The following GSE1 variants were observed in gnomAD, a reference collection of about 807,000 sequenced individuals.
GSE1 encodes the protein genetic suppressor element 1.
In GSE1, 32 loss-of-function variants were observed where a neutral mutation model predicts 112.6. The ratio of observed to expected loss-of-function variants is 0.28; its 90% CI spans 0.21 to 0.38. GSE1 has a LOEUF of 0.38. Among genes scored for constraint, GSE1 ranks in the 10% least tolerant of loss-of-function variants. The pLI, the probability that GSE1 is intolerant of heterozygous loss-of-function variation, is 1.00. For missense variants in GSE1, 2,348 were observed against 1,699.2 expected, an observed-to-expected ratio of 1.38 and a Z score of -6.71; for synonymous variants, 1,115 against 735.6, an observed-to-expected ratio of 1.52 and a Z score of -8.35.
chr16:85,590,786 A>G (rs1487996027), intron 1 of GSE1, among the ~76,000 whole-genome samples: 1 of 152,140 alleles, frequency 6.6e-6, no homozygotes, highest in Non-Finnish European at 1.5e-5. Context: ...GCCACGCTGC[A>G]CCACCATTTG....
At chr16:85,591,977 G>T (rs755829777) in intron 1 of GSE1, among the ~76,000 whole-genome samples, 1 of 152,186 alleles carries the variant, frequency 6.6e-6, no homozygotes, top group Non-Finnish European at 1.5e-5. Context: ...AATGAGGATC[G>T]GATGCACTCG....
At chr16:85,463,271 A>G (rs1464203036) in intron 2 of GSE1, 2 of 209,546 alleles carry the variant, frequency 9.5e-6, no homozygotes, top group African/African-American at 4.7e-5. Flanking sequence ...CAGGCCACGC[A>G]CGTGCTCCCC....
At chr16:85,435,728 C>CCCTCTCCTGAT (rs2049232173) in intron 2 of GSE1, among the ~76,000 whole-genome samples, 2 of 22,084 alleles carry the variant, frequency 9.1e-5, no homozygotes, top group East Asian at 1.7e-3. Context: ...CCTCTCCTGA[C>CCCTCTCCTGAT]GTCTCCACGC....
chr16:85,471,742 C>G (rs1286805522), intron 2 of GSE1, among the ~76,000 whole-genome samples: 1 of 152,066 alleles, frequency 6.6e-6, no homozygotes, highest in Non-Finnish European at 1.5e-5. Flanking sequence ...GATGATCTCG[C>G]TCTGTTGCCC....
intron 1 of GSE1, among the ~76,000 whole-genome samples, chr16:85,269,645 C>T (rs2043283241): frequency 6.7e-6 from 1 of 149,308 alleles, no homozygotes; most frequent in African/African-American, 2.4e-5. Context: ...CCCTGGCCCC[C>T]GAAGCCCCTC....
At chr16:85,645,246 C>G (rs901460420) in intron 2 of GSE1, among the ~76,000 whole-genome samples, 6 of 152,180 alleles carry the variant, frequency 3.9e-5, no homozygotes, top group Admixed American at 6.5e-5. Flanking sequence ...CAGCCTCATT[C>G]CCCACCTGGG....
intron 1 of GSE1, among the ~76,000 whole-genome samples, chr16:85,557,163 G>T (rs186240075): frequency 2.0e-3 from 308 of 152,246 alleles, no homozygotes; most frequent in Non-Finnish European, 3.4e-3. Flanking sequence ...TCAGGCGAGG[G>T]AGCCCTGGGT....
In GSE1 at chr16:85,373,565, G is replaced by C. The variant is rs1398941290; in HGVS notation, c.2464+15922G>C. On this transcript the variant is annotated intron_variant, in intron 2 of 2. Coordinates refer to the GSE1 transcript ENST00000637419. This position sits in a 1 kb window ranked among gnomAD's most constrained non-coding sequence, Gnocchi z 5.1. ...ATGGGCTGGGGCACTGTGTATAGCAGGGATTCAGTGACCGCATCGCTACTA... is the reference window on the plus strand; with the variant it reads ...ATGGGCTGGGGCACTGTGTATAGCACGGATTCAGTGACCGCATCGCTACTA... Among the ~76,000 whole-genome samples the C allele has an allele frequency of 6.6e-6, 1 of 152,068 alleles. No homozygotes were observed. Among genetic ancestry groups the C allele is most frequent in the Non-Finnish European group, 1.5e-5 (1 of 68,004 alleles).
intron 2 of GSE1, among the ~76,000 whole-genome samples, chr16:85,645,449 G>C (rs998265251): frequency 3.3e-5 from 5 of 152,184 alleles, no homozygotes; most frequent in Non-Finnish European, 5.9e-5. Context: ...CCACATTAAA[G>C]AGGCCCAGAT....
At chr16:85,589,444 C>T (rs1017661303) in intron 1 of GSE1, among the ~76,000 whole-genome samples, 1 of 152,150 alleles carries the variant, frequency 6.6e-6, no homozygotes, top group South Asian at 2.1e-4. Context: ...GGAGCCTGGG[C>T]ACTTTTGGAA....
chr16:85,601,006 G>T (rs560890832), intron 1 of GSE1, among the ~76,000 whole-genome samples: 7 of 129,096 alleles, frequency 5.4e-5, no homozygotes, highest in East Asian at 1.9e-4. Context: ...TTCCACCAGT[G>T]GGGGGGTTAG....
At chr16:85,214,569 C>T (rs981540250) in intron 1 of GSE1, among the ~76,000 whole-genome samples, 8 of 152,154 alleles carry the variant, frequency 5.3e-5, no homozygotes, top group African/African-American at 1.7e-4. Context: ...TTCTCCTAAC[C>T]GAACTGCACC....
chr16:85,448,754 C>A (rs1431680605), intron 2 of GSE1, among the ~76,000 whole-genome samples: 2 of 152,230 alleles, frequency 1.3e-5, no homozygotes, highest in Admixed American at 6.5e-5. Context: ...GCCCTGCAAC[C>A]CGGGGCAGGA....
At chr16:85,596,020 C>G (rs1004354580) in intron 1 of GSE1, among the ~76,000 whole-genome samples, 4 of 149,284 alleles carry the variant, frequency 2.7e-5, no homozygotes, top group Non-Finnish European at 3.0e-5. Context: ...TCCCATCTGC[C>G]CACCCATCCA....
intron 1 of GSE1, among the ~76,000 whole-genome samples, chr16:85,586,489 G>A (rs1195462613): frequency 6.6e-6 from 1 of 152,074 alleles, no homozygotes; most frequent in Non-Finnish European, 1.5e-5. Flanking sequence ...ATCATCGGTC[G>A]GCCCTGGTAT....
At chr16:85,361,526 G>T (rs2047081833) in intron 2 of GSE1, among the ~76,000 whole-genome samples, 1 of 152,164 alleles carries the variant, frequency 6.6e-6, no homozygotes, top group Non-Finnish European at 1.5e-5. Flanking sequence ...TGTCTCTCTG[G>T]CCCCCTGCCA....
At chr16:85,537,228 C>T (rs986299870) in intron 2 of GSE1, among the ~76,000 whole-genome samples, 2 of 152,208 alleles carry the variant, frequency 1.3e-5, no homozygotes, top group African/African-American at 2.4e-5. Flanking sequence ...GGCCCATGCT[C>T]AGGCTGTCCC....
At chr16:85,367,646 G>T (rs912894446) in intron 2 of GSE1, among the ~76,000 whole-genome samples, 1 of 152,192 alleles carries the variant, frequency 6.6e-6, no homozygotes, top group Non-Finnish European at 1.5e-5. Flanking sequence ...GGGCCCCGGG[G>T]CAGCCAGTGC....
intron 2 of GSE1, among the ~76,000 whole-genome samples, chr16:85,519,725 C>CCATCACCATCACCACCATCAG (rs146107348): frequency 1.4e-5 from 2 of 146,000 alleles, no homozygotes; most frequent in Non-Finnish European, 3.0e-5. Context: ...ATCATCATCA[C>CCATCACCATCACCACCATCAG]CATCACCATC....
Sources: gnomAD v4.1 joint callset for allele counts (sites outside exome capture counted in the v4.1 genomes callset) on GRCh38, gnomAD v4.1.1 for gene constraint, Gnocchi (gnomAD v3.1) non-coding constraint, MANE v1.5 for transcripts, NCBI Gene and HGNC (gene_info 2026-07-23, HGNC 2026-07-21) for gene names.